The following WDR88 variants were observed in gnomAD, a reference collection of about 807,000 sequenced individuals.
WDR88 encodes WD repeat domain 88, also known as WD repeat-containing protein 88.
In WDR88, 40 loss-of-function variants were observed where a neutral mutation model predicts 46.8. That is an observed-to-expected ratio of 0.86 (90% CI 0.66 to 1.11). The LOEUF (loss-of-function observed/expected upper bound fraction) is 1.11. WDR88 is among the 50% of genes most tolerant of loss of function. WDR88 has a pLI of 0.00. For synonymous variants in WDR88, 235 were observed against 240.7 expected (o/e 0.98, Z 0.22); for missense variants, 562 against 602.4 (o/e 0.93, Z 0.70).
chr19:33,145,066 C>T (rs370595177), intron 3 of WDR88, 134 bp downstream of exon 3: 23 of 837,518 alleles, frequency 2.7e-5, no homozygotes, highest in African/African-American at 2.4e-4. Flanking sequence ...AAGCTGGTCT[C>T]GAACCTGTGG....
At chr19:33,165,708 C>T (rs925167173) in intron 9 of WDR88, among the ~76,000 whole-genome samples, 3 of 151,504 alleles carry the variant, frequency 2.0e-5, no homozygotes, top group Non-Finnish European at 4.4e-5. Flanking sequence ...GCCTGGCCAA[C>T]GTGGTGAAGC....
chr19:33,133,656 C>T (rs142768236), intron 1 of WDR88, among the ~76,000 whole-genome samples: 1 of 152,336 alleles, frequency 6.6e-6, no homozygotes, highest in African/African-American at 2.4e-5. Context: ...GCCTGGCTTC[C>T]CAGCATGTTT....
chr19:33,132,891 G>C (rs1488147757), intron 1 of WDR88, among the ~76,000 whole-genome samples: 1 of 152,196 alleles, frequency 6.6e-6, no homozygotes, highest in Non-Finnish European at 1.5e-5. Flanking sequence ...CAGGCAAGGT[G>C]GCTCACACCT....
At chr19:33,156,188 G>A (rs894898372) in intron 6 of WDR88, among the ~76,000 whole-genome samples, 167 bp from the exon 7 acceptor site, 2 of 152,220 alleles carry the variant, frequency 1.3e-5, no homozygotes, top group African/African-American at 4.8e-5. Context: ...GCTCACAGGA[G>A]ATGCTGACCC....
chr19:33,157,741 T>A (rs1429926354), intron 7 of WDR88, among the ~76,000 whole-genome samples: 4 of 113,436 alleles, frequency 3.5e-5, no homozygotes, highest in African/African-American at 7.0e-5. Flanking sequence ...ATATATAAAA[T>A]TAAAGAGGTA....
chr19:33,150,772 A>C (rs1973617595), intron 5 of WDR88, among the ~76,000 whole-genome samples: 1 of 152,246 alleles, frequency 6.6e-6, no homozygotes, highest in Admixed American at 6.5e-5. Context: ...GATCCGGCCC[A>C]GGCCTTTGCA....
intron 9 of WDR88, among the ~76,000 whole-genome samples, chr19:33,167,728 CCTTCCCTCCTCTTTTCT>C (rs1309540423): frequency 6.6e-6 from 1 of 150,542 alleles, no homozygotes; most frequent in African/African-American, 2.5e-5. Flanking sequence ...TTCCTTCCTG[CCTTCCCTCCTCTTTTCT>C]CTTCTCTCCT....
chr19:33,167,545 A>G (rs796120056), intron 9 of WDR88, among the ~76,000 whole-genome samples: 9 of 152,260 alleles, frequency 5.9e-5, no homozygotes, highest in African/African-American at 2.2e-4. Flanking sequence ...ACTATTCAAT[A>G]TTGTACTGGA....
chr19:33,151,360 A>G, intron 6 of WDR88, 50 bp downstream of exon 6: 1 of 1,588,044 alleles, frequency 6.3e-7, no homozygotes, highest in South Asian at 1.1e-5. Context: ...GGGCGTCCCC[A>G]TTCATGACTT....
chr19:33,164,071 G>A (rs1973914666), intron 8 of WDR88, 126 bp from the exon 9 acceptor site: 1 of 766,882 alleles, frequency 1.3e-6, no homozygotes, highest in East Asian at 2.7e-5. Flanking sequence ...CTGGGCTCAG[G>A]TGACCCTCCC....
chr19:33,161,884 G>T (rs1973873430), intron 8 of WDR88, among the ~76,000 whole-genome samples: 1 of 152,176 alleles, frequency 6.6e-6, no homozygotes, highest in African/African-American at 2.4e-5. Flanking sequence ...AGAATCTCTA[G>T]AGCCTGGGAG....
At chr19:33,172,492 A>G in intron 10 of WDR88, 52 bp downstream of exon 10, 1 of 1,431,600 alleles carries the variant, frequency 7.0e-7, no homozygotes, top group Non-Finnish European at 9.7e-7. Flanking sequence ...AGTTCCCTCT[A>G]TAAATTAATT....
chr19:33,150,951 G>T (rs1211683497), intron 5 of WDR88, among the ~76,000 whole-genome samples: 1 of 152,244 alleles, frequency 6.6e-6, no homozygotes, highest in African/African-American at 2.4e-5. Flanking sequence ...CCTGGTCCGG[G>T]GTGTCTCCTC....
chr19:33,142,157 G>C (rs562585653), intron 2 of WDR88, among the ~76,000 whole-genome samples: 1 of 152,156 alleles, frequency 6.6e-6, no homozygotes, highest in East Asian at 1.9e-4. Flanking sequence ...CTCTACGGAG[G>C]GACATGGAGC....
chr19:33,144,180 G>T (rs1973461952), intron 2 of WDR88, among the ~76,000 whole-genome samples: 1 of 152,116 alleles, frequency 6.6e-6, no homozygotes. Context: ...CAGGGGCCTG[G>T]ATCCCACAAC....
rs1568373108 is a variant in WDR88, at chr19:33,172,473, G to GCTTT, written c.1242+35_1242+38dup. 4 of 1,531,820 alleles carry GCTTT rather than the reference G, an allele frequency of 2.6e-6. No homozygotes were observed. In the South Asian group the frequency reaches 4.6e-5, roughly 17 times the overall value. The allele number at this position is 1,531,820 out of a possible 1,614,324, so 94.9% of individuals were successfully genotyped here. A position where few individuals can be genotyped will look rare whatever the true frequency, so the allele number is the denominator to read the frequency against. ...TTGGGTAAAATTAAGCCCAGTGAAGGCTTTCGTTAGTTCCCTCTATAAATT... is the reference window on the plus strand; with the variant it reads ...TTGGGTAAAATTAAGCCCAGTGAAGGCTTTCTTTCGTTAGTTCCCTCTATAAATT... On this transcript the variant is annotated intron_variant, in intron 10 of 10. Coordinates refer to ENST00000355868, the MANE Select transcript of WDR88 (RefSeq NM_173479.4).
chr19:33,161,937 C>G (rs532478660), intron 8 of WDR88, among the ~76,000 whole-genome samples: 1 of 152,176 alleles, frequency 6.6e-6, no homozygotes, highest in Non-Finnish European at 1.5e-5. Flanking sequence ...TGGACTCCAG[C>G]CTGGGTGACA....
intron 2 of WDR88, 27 bp from the exon 3 acceptor site, chr19:33,144,817 T>A: frequency 6.2e-7 from 1 of 1,607,490 alleles, no homozygotes; most frequent in Middle Eastern, 1.7e-4. Context: ...GACCACTCTC[T>A]TCTCCTCTCT....
At chr19:33,157,679 GTATGTATGTA>G (rs1433925431) in intron 7 of WDR88, among the ~76,000 whole-genome samples, 5 of 94,192 alleles carry the variant, frequency 5.3e-5, no homozygotes, top group South Asian at 4.5e-4. Context: ...GTGTGTGTGT[GTATGTATGTA>G]TATATATATA....
Sources: allele counts gnomAD v4.1 joint callset (sites outside exome capture counted in the v4.1 genomes callset), GRCh38; gene constraint gnomAD v4.1.1; transcripts MANE v1.5; gene names NCBI Gene and HGNC (gene_info 2026-07-23, HGNC 2026-07-21).